Variants in MAP3K5 observed in about 807,000 individuals in gnomAD.
MAP3K5 encodes the protein ASK-1.
MAP3K5 carries 56 observed loss-of-function variants against 158.7 expected under a neutral mutation model. That is an observed-to-expected ratio of 0.35 (90% CI 0.28 to 0.44). The LOEUF is 0.44. MAP3K5 is among the 20% of genes least tolerant of loss of function. The probability of loss-of-function intolerance (pLI) is 1.00; values close to 1 mark genes in which losing one functional copy is unlikely to be tolerated. For synonymous variants in MAP3K5, 579 were observed against 601.7 expected (o/e 0.96, Z 0.55); for missense variants, 1,294 against 1,674.8 (o/e 0.77, Z 3.97).
intron 2 of MAP3K5, among the ~76,000 whole-genome samples, chr6:136,716,050 A>AAAAAAAAAAAAAAAAAAAAAAT: frequency 7.1e-6 from 1 of 141,594 alleles, no homozygotes; most frequent in Non-Finnish European, 1.6e-5. Flanking sequence ...AAAAAAAAAA[A>AAAAAAAAAAAAAAAAAAAAAAT]AAAAAAAAAA....
At chr6:136,776,273 C>G (rs541702462) in intron 1 of MAP3K5, among the ~76,000 whole-genome samples, 1 of 152,080 alleles carries the variant, frequency 6.6e-6, no homozygotes, top group East Asian at 1.9e-4. Flanking sequence ...TGAGACAGGA[C>G]ATTGCTGTCA....
chr6:136,769,325 A>G (rs984951368), intron 1 of MAP3K5, among the ~76,000 whole-genome samples: 2 of 152,164 alleles, frequency 1.3e-5, no homozygotes, highest in Non-Finnish European at 2.9e-5. Context: ...ACAGCAGATT[A>G]GTGGTTGCCA....
At chr6:136,661,311 G>C (rs1778994997) in intron 8 of MAP3K5, among the ~76,000 whole-genome samples, 1 of 152,156 alleles carries the variant, frequency 6.6e-6, no homozygotes, top group African/African-American at 2.4e-5. Context: ...AGAGAGAACA[G>C]CTTTGCCACT....
intron 2 of MAP3K5, among the ~76,000 whole-genome samples, chr6:136,708,445 G>A (rs553281424): frequency 6.6e-6 from 1 of 151,946 alleles, no homozygotes; most frequent in South Asian, 2.1e-4. Context: ...TAGTAGAGAT[G>A]GGGTTTCACC....
At chr6:136,738,301 G>C (rs940197363) in intron 1 of MAP3K5, among the ~76,000 whole-genome samples, 1 of 152,086 alleles carries the variant, frequency 6.6e-6, no homozygotes, top group Non-Finnish European at 1.5e-5. Context: ...GGGAGTTTCG[G>C]TACCTCTTCC....
At chr6:136,617,071 C>G (rs1363536938) in intron 15 of MAP3K5, among the ~76,000 whole-genome samples, 1 of 152,108 alleles carries the variant, frequency 6.6e-6, no homozygotes, top group Non-Finnish European at 1.5e-5. Flanking sequence ...TACTGAAAAT[C>G]AAAACATCAA....
intron 3 of MAP3K5, among the ~76,000 whole-genome samples, chr6:136,702,223 G>C (rs973817219): frequency 6.6e-6 from 1 of 152,052 alleles, no homozygotes; most frequent in Non-Finnish European, 1.5e-5. Context: ...GGAAAAAAGG[G>C]GGGTGATAAG....
intron 1 of MAP3K5, among the ~76,000 whole-genome samples, chr6:136,751,063 C>T (rs778188730): frequency 2.0e-5 from 3 of 151,884 alleles, no homozygotes; most frequent in Non-Finnish European, 4.4e-5. Context: ...TTCACCACTT[C>T]ATCCCCGAGT....
rs1781413147 is a variant in MAP3K5, at chr6:136,713,860, A to G, written c.588+6590T>C. Among the ~76,000 whole-genome samples, 5 of 152,202 alleles carry G rather than the reference A, an allele frequency of 3.3e-5. No individual in the cohort carries two copies. In the South Asian group the frequency reaches 1.0e-3, roughly 31 times the overall value. On this transcript the variant is annotated intron_variant, in intron 2 of 29. Coordinates refer to ENST00000359015, the MANE Select transcript of MAP3K5 (RefSeq NM_005923.4). ...ATGTCCAGAGGCAGCACTATTAAAA[A>G]GGGGTAGGGCCAATGTTTCCAGTTC...
chr6:136,566,152 G>A (rs778259218), intron 26 of MAP3K5, among the ~76,000 whole-genome samples: 2 of 152,102 alleles, frequency 1.3e-5, no homozygotes, highest in Non-Finnish European at 2.9e-5. Context: ...CCAGGGTGGC[G>A]AGCACAACGC....
intron 18 of MAP3K5, among the ~76,000 whole-genome samples, chr6:136,610,882 T>A (rs1319041177): frequency 1.3e-5 from 2 of 151,492 alleles, no homozygotes; most frequent in Non-Finnish European, 2.9e-5. Flanking sequence ...GCCACAGGTA[T>A]ATCGCTTGAG....
intron 1 of MAP3K5, among the ~76,000 whole-genome samples, chr6:136,762,135 A>G (rs887839529): frequency 1.2e-4 from 19 of 152,196 alleles, no homozygotes; most frequent in Non-Finnish European, 4.4e-5. Flanking sequence ...TTTAGCAGAG[A>G]ACAACACTGT....
intron 25 of MAP3K5, among the ~76,000 whole-genome samples, chr6:136,570,588 T>G (rs141546130): frequency 6.6e-6 from 1 of 152,224 alleles, no homozygotes; most frequent in African/African-American, 2.4e-5. Context: ...GTGTCCTTTT[T>G]CAAGGCCCAG....
intron 1 of MAP3K5, among the ~76,000 whole-genome samples, chr6:136,748,299 T>C (rs1201975613): frequency 6.6e-6 from 1 of 152,172 alleles, no homozygotes; most frequent in Non-Finnish European, 1.5e-5. Context: ...CACAGCCACA[T>C]TTGAACCGTA....
At chr6:136,682,598 T>C (rs1359763648) in intron 7 of MAP3K5, among the ~76,000 whole-genome samples, 5 of 152,232 alleles carry the variant, frequency 3.3e-5, no homozygotes, top group Non-Finnish European at 7.3e-5. Context: ...CAAGTTACTA[T>C]GGAAAAATGA....
intron 21 of MAP3K5, chr6:136,593,714 C>CAAAAA (rs760563651): frequency 8.6e-5 from 21 of 243,020 alleles, no homozygotes; most frequent in East Asian, 2.2e-4. Flanking sequence ...GACAGATATG[C>CAAAAA]AAAAAAAAAA....
intron 7 of MAP3K5, among the ~76,000 whole-genome samples, chr6:136,688,912 C>T (rs148642172): frequency 1.4e-4 from 22 of 152,154 alleles, no homozygotes; most frequent in African/African-American, 3.9e-4. Context: ...GATTCTAAAT[C>T]TCCCACAACT....
At chr6:136,574,525 ACC>A (rs957908800) in intron 25 of MAP3K5, among the ~76,000 whole-genome samples, 1 of 152,108 alleles carries the variant, frequency 6.6e-6, no homozygotes, top group African/African-American at 2.4e-5. Context: ...CCATCTGGTC[ACC>A]CACAAGCAGA....
At chr6:136,688,199 C>T (rs756699036) in intron 7 of MAP3K5, among the ~76,000 whole-genome samples, 4 of 152,108 alleles carry the variant, frequency 2.6e-5, no homozygotes, top group Admixed American at 6.6e-5. Flanking sequence ...TGTTCTCACT[C>T]ATAAGTGGGT....
Sources: allele counts gnomAD v4.1 joint callset (sites outside exome capture counted in the v4.1 genomes callset), GRCh38; gene constraint gnomAD v4.1.1; transcripts MANE v1.5; gene names NCBI Gene and HGNC (gene_info 2026-07-23, HGNC 2026-07-21).